The following ULK4 variants were observed in gnomAD, a reference collection of about 807,000 sequenced individuals.
ULK4 encodes the protein inactive serine/threonine-protein kinase ULK4.
ULK4 carries 133 observed loss-of-function variants against 160.6 expected under a neutral mutation model. The observed-to-expected ratio is 0.83, with a 90% CI of 0.72 to 0.96. The LOEUF (loss-of-function observed/expected upper bound fraction) is 0.96. Ranked by LOEUF, ULK4 falls within the 40% of genes least tolerant of loss-of-function variation. The probability of loss-of-function intolerance (pLI) is 0.00; values close to 1 mark genes in which losing one functional copy is unlikely to be tolerated. For synonymous variants in ULK4, 534 were observed against 539.8 expected, an observed-to-expected ratio of 0.99 and a Z score of 0.15; for missense variants, 1,580 against 1,499.5, an observed-to-expected ratio of 1.05 and a Z score of -0.89.
At chr3:41,814,580 T>C (rs574339438) in intron 19 of ULK4, among the ~76,000 whole-genome samples, 6 of 152,300 alleles carry the variant, frequency 3.9e-5, no homozygotes, top group Non-Finnish European at 7.4e-5. Context: ...TTTTATCAGA[T>C]ACTGAGATAT....
intron 34 of ULK4, among the ~76,000 whole-genome samples, chr3:41,423,561 T>A (rs1025004507): frequency 4.6e-5 from 7 of 151,820 alleles, no homozygotes; most frequent in African/African-American, 1.7e-4. Context: ...GGTTATAAGA[T>A]TCAAAAGCGT....
chr3:41,583,659 C>G (rs6796562), intron 31 of ULK4, among the ~76,000 whole-genome samples: 14,908 of 152,202 alleles, frequency 0.098, 2,472 homozygotes, highest in African/African-American at 0.34. Context: ...AGTCACCTCA[C>G]CTCCTCAGGC....
intron 31 of ULK4, among the ~76,000 whole-genome samples, chr3:41,580,486 C>T (rs979997125): frequency 6.6e-6 from 1 of 151,450 alleles, no homozygotes; most frequent in Admixed American, 6.6e-5. Flanking sequence ...AATGTAGGCT[C>T]TACTACATCA....
intron 35 of ULK4, among the ~76,000 whole-genome samples, chr3:41,384,616 G>A (rs1183513165): frequency 1.3e-5 from 2 of 151,968 alleles, no homozygotes; most frequent in Non-Finnish European, 2.9e-5. Flanking sequence ...ACAGAGTCTC[G>A]TTCTATCACC....
At position 41,931,963 on chromosome 3, in the gene ULK4, C is replaced by A. The variant is rs374804358; in HGVS notation, c.422G>T (p.Cys141Phe). The change falls in exon 5 of 37, where the codon TGC (cysteine) becomes TTC (phenylalanine). Residue 141 changes from cysteine to phenylalanine, a missense_variant. By Grantham distance (205) the Cys-to-Phe change is radical. Transcript: ENST00000301831. The part of the protein sequence containing the change: ...GPGTLKFSNF[C>F]LAKVEGENLE... The stretch of plus-strand genomic sequence containing the variant: ...ATTTTCACCTTCCACTTTTGCCAAG[C>A]AAAAGTTGCTAAACTTCAGTGTGCC... The A allele has an allele frequency of 2.6e-5, 42 of 1,613,822 alleles. No individual in the cohort carries two copies. In the African/African-American group the frequency reaches 5.1e-4, roughly 20 times the overall value.
At chr3:41,284,736 A>G (rs753273221) in intron 35 of ULK4, among the ~76,000 whole-genome samples, 39 of 152,218 alleles carry the variant, frequency 2.6e-4, no homozygotes, top group Admixed American at 9.2e-4. Flanking sequence ...AAAAGCAAAG[A>G]TAAGTAGCTG....
At position 41,828,209 on chromosome 3, in the gene ULK4, A is replaced by C. The variant is rs561575887; in HGVS notation, c.1764+7655T>G. Among the ~76,000 whole-genome samples, 100 of 143,556 alleles carry C rather than the reference A, an allele frequency of 7.0e-4. 13 individuals are homozygous for C. Among genetic ancestry groups the C allele is most frequent in the African/African-American group, 2.2e-3 (83 of 38,136 alleles). The allele number at this position is 143,556 out of a possible 152,430, so 94.2% of individuals were successfully genotyped here. ...CCAATATCATACTGAATGGAAAAAAACTGGAAACATTCCCTTTGAAAACTG... is the reference window on the plus strand; with the variant it reads ...CCAATATCATACTGAATGGAAAAAACCTGGAAACATTCCCTTTGAAAACTG... On this transcript the variant is annotated intron_variant, in intron 18 of 36. Transcript: ENST00000301831.
At chr3:41,619,752 A>T (rs2033151666) in intron 30 of ULK4, among the ~76,000 whole-genome samples, 1 of 152,178 alleles carries the variant, frequency 6.6e-6, no homozygotes, top group African/African-American at 2.4e-5. Context: ...GGAGATGACA[A>T]GAAATAACTA....
intron 35 of ULK4, among the ~76,000 whole-genome samples, chr3:41,290,315 C>G (rs919331452): frequency 6.6e-6 from 1 of 152,204 alleles, no homozygotes; most frequent in Non-Finnish European, 1.5e-5. Context: ...TATATTAACT[C>G]ATTTATAATC....
chr3:41,574,381 G>T (rs908961043), intron 31 of ULK4, among the ~76,000 whole-genome samples: 4 of 151,742 alleles, frequency 2.6e-5, no homozygotes, highest in Non-Finnish European at 5.9e-5. Context: ...AAGTACCCTC[G>T]AATCTCCCTT....
chr3:41,485,797 A>T (rs1206607236), intron 32 of ULK4, among the ~76,000 whole-genome samples: 1 of 152,218 alleles, frequency 6.6e-6, no homozygotes, highest in Non-Finnish European at 1.5e-5. Flanking sequence ...TACATATCAA[A>T]TCTCTAAAAA....
At chr3:41,540,401 T>C (rs1293787589) in intron 32 of ULK4, among the ~76,000 whole-genome samples, 1 of 152,198 alleles carries the variant, frequency 6.6e-6, no homozygotes, top group African/African-American at 2.4e-5. Flanking sequence ...TATTCTATAG[T>C]GTATATGTGC....
chr3:41,249,423 G>C (rs2078702848), intron 36 of ULK4, 66 bp downstream of exon 36: 1 of 1,457,068 alleles, frequency 6.9e-7, no homozygotes, highest in Non-Finnish European at 9.4e-7. Context: ...GAGGAGTGGA[G>C]AAAGGAATGG....
intron 32 of ULK4, among the ~76,000 whole-genome samples, chr3:41,541,342 G>A (rs950704948): frequency 6.6e-6 from 1 of 152,134 alleles, no homozygotes; most frequent in Non-Finnish European, 1.5e-5. Flanking sequence ...GGTTGTAGAT[G>A]TGTGGTGTTA....
chr3:41,303,893 T>A (rs2079847367), intron 35 of ULK4, among the ~76,000 whole-genome samples: 1 of 151,798 alleles, frequency 6.6e-6, no homozygotes, highest in Non-Finnish European at 1.5e-5. Context: ...TGTTCAGAGC[T>A]CCCCAAGGAT....
chr3:41,876,754 T>C (rs1697317882), intron 17 of ULK4, among the ~76,000 whole-genome samples: 1 of 152,250 alleles, frequency 6.6e-6, no homozygotes, highest in South Asian at 2.1e-4. Flanking sequence ...AGAAGCCAGA[T>C]ACCAAAGTAT....
intron 32 of ULK4, among the ~76,000 whole-genome samples, chr3:41,552,354 A>G (rs2125579719): frequency 6.6e-6 from 1 of 152,174 alleles, no homozygotes; most frequent in East Asian, 1.9e-4. Flanking sequence ...TCTTATATCT[A>G]AAAATAACTA....
At chr3:41,864,574 C>T (rs933207874) in intron 17 of ULK4, among the ~76,000 whole-genome samples, 3 of 152,004 alleles carry the variant, frequency 2.0e-5, no homozygotes, top group South Asian at 4.2e-4. Context: ...CTCTTTCTCA[C>T]GGTGACCTTG....
rs2078907854 is a variant in ULK4 at position 41,259,805 on chromosome 3, T to C, written c.3679-10231A>G. 3 of 152,152 alleles carry C rather than the reference T, an allele frequency of 2.0e-5. No individual in the cohort carries two copies. The South Asian group carries it at 6.2e-4, about 32-fold the overall frequency. The allele number at this position is 152,152 out of a possible 1,614,324, so 9.4% of individuals were successfully genotyped here. A position where few individuals can be genotyped will look rare whatever the true frequency, so the allele number is the denominator to read the frequency against. ...TCAATATCTGTAGTGATCTTGAATG[T>C]GTGTGGCAAAAGGAAGTCCAGTTAA... On this transcript the variant is annotated intron_variant, in intron 35 of 36. Transcript: ENST00000301831.
Sources: gnomAD v4.1 joint callset for allele counts (sites outside exome capture counted in the v4.1 genomes callset) on GRCh38, gnomAD v4.1.1 for gene constraint, MANE v1.5 for transcripts, NCBI Gene and HGNC (gene_info 2026-07-23, HGNC 2026-07-21) for gene names.